LINGO1: variants seen among roughly 807,000 people sequenced by gnomAD.
LINGO1 encodes leucine rich repeat and Ig domain containing 1.
Under a neutral mutation model 37.3 loss-of-function variants are expected in LINGO1, and 11 were observed. The observed-to-expected ratio is 0.29, with a 90% CI of 0.19 to 0.49. The LOEUF is 0.49. Among genes scored for constraint, LINGO1 ranks in the 20% least tolerant of loss-of-function variants. LINGO1 has a pLI of 0.99. For synonymous variants in LINGO1, 387 were observed against 403.0 expected, an observed-to-expected ratio of 0.96 and a Z score of 0.48; for missense variants, 585 against 878.2, an observed-to-expected ratio of 0.67 and a Z score of 4.22.
At chr15:77,634,311 C>CA (rs1196492006), upstream of LINGO1, 24 of 456,018 alleles carry the variant, frequency 5.3e-5, no homozygotes, top group Non-Finnish European at 9.7e-5. Context: ...GGGTACTTCT[C>CA]AGTCTCTCTG....
chr15:77,625,495 G>A (rs2074060492), intron 1 of LINGO1, among the ~76,000 whole-genome samples: 1 of 152,172 alleles, frequency 6.6e-6, no homozygotes. Flanking sequence ...TGGCTCCAGA[G>A]TCCATGCTCT....
intron 3 of LINGO1, among the ~76,000 whole-genome samples, chr15:77,653,700 C>G (rs943784731): frequency 2.0e-5 from 3 of 152,108 alleles, no homozygotes; most frequent in Non-Finnish European, 2.9e-5. Context: ...TGCTACTTGT[C>G]TCTACCCCAG....
At chr15:77,767,113 T>C (rs767906832) in intron 1 of LINGO1, among the ~76,000 whole-genome samples, 1 of 152,132 alleles carries the variant, frequency 6.6e-6, no homozygotes, top group Non-Finnish European at 1.5e-5. Context: ...GCAAAAAACA[T>C]GGATTTCCAA....
intron 1 of LINGO1, among the ~76,000 whole-genome samples, chr15:77,783,385 C>T (rs776155415): frequency 5.9e-5 from 9 of 152,232 alleles, no homozygotes; most frequent in South Asian, 4.1e-4. Flanking sequence ...CCAAGCCAGA[C>T]GGGAGAGGTG....
At chr15:77,660,708 C>A (rs1221833576) in intron 3 of LINGO1, among the ~76,000 whole-genome samples, 1 of 152,214 alleles carries the variant, frequency 6.6e-6, no homozygotes, top group African/African-American at 2.4e-5. Flanking sequence ...TAGAACAGTG[C>A]CTTCCTGGCC....
intron 3 of LINGO1, among the ~76,000 whole-genome samples, chr15:77,676,875 G>A (rs960390986): frequency 4.6e-5 from 7 of 152,182 alleles, no homozygotes; most frequent in East Asian, 1.9e-4. Flanking sequence ...TGGCTGAGGC[G>A]TGGCCTTCCT....
At chr15:77,777,264 T>TG (rs11367794) in intron 1 of LINGO1, among the ~76,000 whole-genome samples, 1 of 151,910 alleles carries the variant, frequency 6.6e-6, no homozygotes, top group Non-Finnish European at 1.5e-5. Context: ...GTTATCATGG[T>TG]GGGGGGGTCC....
In LINGO1 at chr15:77,694,997, C is replaced by CT. The variant is rs374103622; in HGVS notation, c.-281+1393dup. Among the ~76,000 whole-genome samples the CT allele has an allele frequency of 3.7e-4, 56 of 150,590 alleles. 1 individual carries two copies. Among genetic ancestry groups the CT allele is most frequent in the African/African-American group, 1.0e-3 (43 of 41,100 alleles). On this transcript the variant is annotated intron_variant, in intron 1 of 3. Transcript: ENST00000559893. ...TCATACACTGAACACTCGGGATAAT[C>CT]TTTTTTTTTTAATTTTTGACCAGCA...
Position 77,613,379 on chromosome 15 carries a change from C to A in LINGO1, c.*665G>T, listed in dbSNP as rs1377233469. On this transcript the variant is annotated 3_prime_UTR_variant, in exon 2 of 2. Coordinates refer to ENST00000355300, the MANE Select transcript of LINGO1 (RefSeq NM_032808.7). ...GGCAGCCCAGCAGACAGGCTCCCACCCCCATCGGCAGACCTGTCCCCTCCA... is the reference window on the plus strand; with the variant it reads ...GGCAGCCCAGCAGACAGGCTCCCACACCCATCGGCAGACCTGTCCCCTCCA... The A allele has an allele frequency of 3.9e-5, 6 of 153,194 alleles. No homozygotes were observed. Among genetic ancestry groups the A allele is most frequent in the Admixed American group, 1.3e-4 (2 of 15,342 alleles). The allele number at this position is 153,194 out of a possible 1,614,324, so 9.5% of individuals were successfully genotyped here.
chr15:77,795,687 C>T (rs2076866937), intron 2 of LINGO1, among the ~76,000 whole-genome samples: 3 of 152,216 alleles, frequency 2.0e-5, no homozygotes, highest in Admixed American at 6.5e-5. Context: ...TCCCATGCCA[C>T]GCGGGAACCC....
At chr15:77,619,652 A>T (rs1186887520) in intron 1 of LINGO1, among the ~76,000 whole-genome samples, 2 of 152,124 alleles carry the variant, frequency 1.3e-5, no homozygotes, top group Non-Finnish European at 2.9e-5. Context: ...GTGCCACTGC[A>T]TTCCAGCCTG....
chr15:77,756,250 G>A (rs891778738), intron 1 of LINGO1, among the ~76,000 whole-genome samples: 6 of 152,078 alleles, frequency 3.9e-5, no homozygotes, highest in Admixed American at 3.9e-4. Flanking sequence ...ATCACATGTG[G>A]ACAATGCTTT....
chr15:77,763,070 G>A (rs573566845), intron 1 of LINGO1, among the ~76,000 whole-genome samples: 1 of 152,184 alleles, frequency 6.6e-6, no homozygotes, highest in South Asian at 2.1e-4. Context: ...CGCCCGGCTG[G>A]TGGAAGATGC....
chr15:77,782,647 G>A lies in LINGO1; in HGVS notation c.-257+4222C>T, dbSNP rs376621838. 7.9e-5 allele frequency among the ~76,000 whole-genome samples: 12 copies of A among 151,276 alleles called. No homozygotes were observed. The South Asian group carries it at 8.4e-4, about 11-fold the overall frequency. ...GTGCCACTTGGGCCAAATTGAACCC[G>A]CCCCGACCAGGACTCTCAGCCTTCC... On this transcript the variant is annotated intron_variant, in intron 1 of 3. Transcript: ENST00000561686.
intron 1 of LINGO1, among the ~76,000 whole-genome samples, chr15:77,771,997 A>T (rs1270359520): frequency 6.6e-6 from 1 of 152,216 alleles, no homozygotes; most frequent in African/African-American, 2.4e-5. Context: ...TCTCTGATTT[A>T]GAGACTGCAG....
At chr15:77,717,228 C>T (rs543661727) in intron 2 of LINGO1, among the ~76,000 whole-genome samples, 1 of 150,946 alleles carries the variant, frequency 6.6e-6, no homozygotes, top group African/African-American at 2.4e-5. Context: ...AATCTGCGCT[C>T]AGGTCCTGGA....
chr15:77,792,818 G>A (rs1596236197), intron 2 of LINGO1, among the ~76,000 whole-genome samples: 1 of 152,216 alleles, frequency 6.6e-6, no homozygotes, highest in African/African-American at 2.4e-5. Context: ...CTCATGTGTA[G>A]CAGGCGCTCA....
chr15:77,697,783 G>A (rs983973963), upstream of LINGO1, among the ~76,000 whole-genome samples: 7 of 152,128 alleles, frequency 4.6e-5, no homozygotes, highest in Admixed American at 2.0e-4. Flanking sequence ...AAAGGCTTCC[G>A]GGATGAAAGG....
chr15:77,717,929 T>C (rs2076004770), intron 2 of LINGO1, among the ~76,000 whole-genome samples: 1 of 150,900 alleles, frequency 6.6e-6, no homozygotes, highest in Non-Finnish European at 1.5e-5. Context: ...ATCTGGGCAG[T>C]GGAGTCATGA....
Sources: gnomAD v4.1 joint callset for allele counts (sites outside exome capture counted in the v4.1 genomes callset) on GRCh38, gnomAD v4.1.1 for gene constraint, MANE v1.5 for transcripts, NCBI Gene and HGNC (gene_info 2026-07-23, HGNC 2026-07-21) for gene names.